Variants in SLC24A4 observed in about 807,000 individuals in gnomAD.
The protein encoded by SLC24A4 is solute carrier family 24 member 4, also known as sodium/potassium/calcium exchanger 4.
In SLC24A4, 53 loss-of-function variants were observed where a neutral mutation model predicts 79.0. The observed-to-expected ratio is 0.67, with a 90% CI of 0.54 to 0.84. SLC24A4 has a LOEUF of 0.84. Ranked by LOEUF, SLC24A4 falls within the 40% of genes least tolerant of loss-of-function variation. The pLI, the probability that SLC24A4 is intolerant of heterozygous loss-of-function variation, is 0.00. For synonymous variants in SLC24A4, 323 were observed against 323.8 expected (o/e 1.00, Z 0.03); for missense variants, 731 against 822.0 (o/e 0.89, Z 1.35).
At chr14:92,451,984 G>A (rs1893166503) in intron 10 of SLC24A4, 2 of 152,292 alleles carry the variant, frequency 1.3e-5, no homozygotes, top group Admixed American at 6.5e-5. Flanking sequence ...ACACACCCTT[G>A]TTCTGTCATT....
intron 2 of SLC24A4, among the ~76,000 whole-genome samples, chr14:92,367,152 T>C (rs756917581): frequency 2.6e-5 from 4 of 152,182 alleles, no homozygotes; most frequent in African/African-American, 4.8e-5. Context: ...GCCTTGCCCG[T>C]TCAGAGGCTG....
At position 92,454,033 on chromosome 14, in the gene SLC24A4, C is replaced by T; in HGVS notation, c.1014C>T (p.Thr338=). ...TCACCAATAAGTTTGGACCCAGGACCCGACTACGGATGGCCAGCAGGATCA... is the reference window on the plus strand; with the variant it reads ...TCACCAATAAGTTTGGACCCAGGACTCGACTACGGATGGCCAGCAGGATCA... ...IMITNKFGPR[T]RLRMASRIII... The change falls in exon 11 of 17, where the codon ACC becomes ACT. Residue 338 remains threonine, a synonymous_variant. Transcript: ENST00000532405. 6.2e-7 allele frequency: 1 copy of T among 1,613,196 alleles called. No homozygotes were observed. The highest frequency in any genetic ancestry group is 8.5e-7 in the Non-Finnish European group (1 of 1,179,602).
chr14:92,454,251 C>G (rs1186763210), intron 11 of SLC24A4, among the ~76,000 whole-genome samples, 182 bp downstream of exon 11: 1 of 152,200 alleles, frequency 6.6e-6, no homozygotes, highest in African/African-American at 2.4e-5. Context: ...TATTTTAAAG[C>G]CTGCAGCAAT....
At chr14:92,369,466 G>A (rs1888027200) in intron 2 of SLC24A4, among the ~76,000 whole-genome samples, 2 of 152,182 alleles carry the variant, frequency 1.3e-5, no homozygotes, top group South Asian at 2.1e-4. Context: ...AAAAAGGTTG[G>A]ATCGACTCTA....
chr14:92,371,882 T>G (rs1457864690), intron 2 of SLC24A4, among the ~76,000 whole-genome samples: 1 of 152,252 alleles, frequency 6.6e-6, no homozygotes, highest in Non-Finnish European at 1.5e-5. Flanking sequence ...TGGCCCTTTC[T>G]CAAGCACCAA....
At chr14:92,437,688 A>G (rs57250157) in intron 3 of SLC24A4, among the ~76,000 whole-genome samples, 17,394 of 152,256 alleles carry the variant, frequency 0.11, 1,137 homozygotes, top group African/African-American at 0.17. Flanking sequence ...TAGCATCCCA[A>G]GAAATGCTGG....
chr14:92,403,141 G>C (rs1216081170), intron 2 of SLC24A4, among the ~76,000 whole-genome samples: 3 of 152,132 alleles, frequency 2.0e-5, no homozygotes, highest in African/African-American at 7.2e-5. Flanking sequence ...TGAGGCAGAG[G>C]TGATGCATGG....
chr14:92,385,245 G>A lies in SLC24A4; in HGVS notation c.242-48667G>A, dbSNP rs539196614. 2.8e-4 allele frequency among the ~76,000 whole-genome samples: 42 copies of A among 152,284 alleles called. 1 individual carries two copies. Among genetic ancestry groups the A allele is most frequent in the Admixed American group, 2.5e-3 (39 of 15,302 alleles). On this transcript the variant is annotated intron_variant, in intron 2 of 16. Coordinates refer to ENST00000532405, the MANE Select transcript of SLC24A4 (RefSeq NM_153646.4). ...ATGCCGGCCAGGCGCGGTGGCTCAT[G>A]CCTGTAATCCCAGCACTTCGGGAGG...
At chr14:92,387,555 A>G (rs1889234374) in intron 2 of SLC24A4, among the ~76,000 whole-genome samples, 1 of 152,186 alleles carries the variant, frequency 6.6e-6, no homozygotes, top group African/African-American at 2.4e-5. Flanking sequence ...GTGGTAAGAT[A>G]TATATAACAT....
chr14:92,419,899 G>GTACT (rs1891184442), intron 2 of SLC24A4, among the ~76,000 whole-genome samples: 1 of 152,210 alleles, frequency 6.6e-6, no homozygotes, highest in Admixed American at 6.5e-5. Context: ...CTCTGCAGAT[G>GTACT]TACTTGGTCG....
chr14:92,430,525 G>T (rs2402139), intron 2 of SLC24A4, among the ~76,000 whole-genome samples: 31,536 of 152,236 alleles, frequency 0.21, 4,069 homozygotes, highest in East Asian at 0.55. Context: ...GAAGGCAACT[G>T]GCAGGAAGGA....
intron 5 of SLC24A4, 58 bp from the exon 6 acceptor site, chr14:92,442,655 G>A: frequency 8.0e-7 from 1 of 1,245,580 alleles, no homozygotes; most frequent in East Asian, 2.3e-5. Context: ...GGACACTGAG[G>A]AAGGGGCAGG....
chr14:92,456,778 T>C (rs1353815791), intron 12 of SLC24A4, among the ~76,000 whole-genome samples, 170 bp downstream of exon 12: 1 of 152,170 alleles, frequency 6.6e-6, no homozygotes, highest in Non-Finnish European at 1.5e-5. Flanking sequence ...TCCTCAGTAC[T>C]GAACTGTGGG....
chr14:92,439,826 A>T (rs1448162112), intron 4 of SLC24A4, among the ~76,000 whole-genome samples: 1 of 152,092 alleles, frequency 6.6e-6, no homozygotes, highest in East Asian at 1.9e-4. Flanking sequence ...AGCAGCAGGG[A>T]ATTCCCCTCT....
intron 2 of SLC24A4, among the ~76,000 whole-genome samples, chr14:92,364,240 C>T (rs960480652): frequency 1.3e-5 from 2 of 152,214 alleles, no homozygotes; most frequent in Non-Finnish European, 2.9e-5. Flanking sequence ...ACCACCCAGC[C>T]AGTAGCTGGC....
At chr14:92,339,250 C>T (rs769745754) in intron 2 of SLC24A4, among the ~76,000 whole-genome samples, 6 of 152,130 alleles carry the variant, frequency 3.9e-5, no homozygotes, top group Admixed American at 6.5e-5. Context: ...CACAGGGCTG[C>T]GATCCTGGTG....
chr14:92,379,558 CCCT>C (rs563887962), intron 2 of SLC24A4, among the ~76,000 whole-genome samples: 1 of 152,148 alleles, frequency 6.6e-6, no homozygotes, highest in Non-Finnish European at 1.5e-5. Flanking sequence ...CGCCCCTGCC[CCCT>C]CCTCCTCTCT....
At chr14:92,363,206 G>A (rs1029177997) in intron 2 of SLC24A4, among the ~76,000 whole-genome samples, 3 of 152,164 alleles carry the variant, frequency 2.0e-5, no homozygotes, top group Non-Finnish European at 4.4e-5. Context: ...CCAGCCTTTT[G>A]CACCAAGTCA....
chr14:92,477,067 G>A (rs1342285123), intron 12 of SLC24A4, among the ~76,000 whole-genome samples: 4 of 152,122 alleles, frequency 2.6e-5, no homozygotes, highest in Non-Finnish European at 4.4e-5. Flanking sequence ...GGTAAAACTA[G>A]GTGTAGAATT....
Sources: gnomAD v4.1 joint callset for allele counts (sites outside exome capture counted in the v4.1 genomes callset) on GRCh38, gnomAD v4.1.1 for gene constraint, MANE v1.5 for transcripts, NCBI Gene and HGNC (gene_info 2026-07-23, HGNC 2026-07-21) for gene names.